The following SEZ6L variants were observed in gnomAD, a reference collection of about 807,000 sequenced individuals.
SEZ6L encodes the protein seizure 6-like protein.
A neutral mutation model predicts 106.2 loss-of-function variants in SEZ6L; 37 were observed. The observed-to-expected ratio is 0.35, with a 90% CI of 0.27 to 0.46. The LOEUF (loss-of-function observed/expected upper bound fraction) is 0.46, where lower values mean the gene tolerates loss of function less well. Ranked by LOEUF, SEZ6L falls within the 20% of genes least tolerant of loss-of-function variation. The pLI is 1.00. For missense variants in SEZ6L, 1,172 were observed against 1,332.8 expected (o/e 0.88, Z 1.88); for synonymous variants, 541 against 570.4 (o/e 0.95, Z 0.73).
intron 9 of SEZ6L, among the ~76,000 whole-genome samples, chr22:26,319,437 A>G (rs1279534302): frequency 6.6e-6 from 1 of 152,164 alleles, no homozygotes; most frequent in East Asian, 1.9e-4. Flanking sequence ...ATTCTTACAA[A>G]AGGCCCTATG....
rs1278395043 is a variant in SEZ6L, at chr22:26,293,122, G to T, written c.811G>T (p.Val271Phe). ...TTTSTIITTT[V>F]ITTEQAPALC... ...TACCTCCACCATTATCACCACCACG[G>T]TCATCACCACCGAGCAGGCACCAGG... The change falls in exon 2 of 17, where the codon GTC becomes TTC. Residue 271 changes from valine (V) to phenylalanine (F), a missense_variant. By Grantham distance (50) the Val-to-Phe change is conservative. Coordinates refer to ENST00000248933, the MANE Select transcript of SEZ6L (RefSeq NM_021115.5). 4.4e-6 allele frequency: 7 copies of T among 1,575,376 alleles called. No individual in the cohort carries two copies. The South Asian group carries it at 4.6e-5, about 10-fold the overall frequency.
chr22:26,251,335 A>G lies in SEZ6L; in HGVS notation c.95-41071A>G, dbSNP rs544186807. 9.5e-4 allele frequency among the ~76,000 whole-genome samples: 41 copies of G among 43,144 alleles called. No homozygotes were observed. In the East Asian group the frequency reaches 0.033, roughly 35 times the overall value. 28.3% of individuals were successfully genotyped at this position (43,144 alleles called of 152,430 possible). On this transcript the variant is annotated intron_variant, in intron 1 of 16. Coordinates refer to ENST00000248933, the MANE Select transcript of SEZ6L (RefSeq NM_021115.5). ...TTCTCCTTTTATTCCTAATTTGTTG[A>G]AAGTTTTTTTTTTTTTTTTATCATG... is the stretch of plus-strand genomic sequence containing the variant.
chr22:26,354,259 A>G (rs893440395), intron 12 of SEZ6L, among the ~76,000 whole-genome samples: 12 of 152,214 alleles, frequency 7.9e-5, no homozygotes, highest in Non-Finnish European at 1.5e-4. Flanking sequence ...TGTTGATCCA[A>G]TGACTGGTGT....
At chr22:26,226,313 C>A (rs9613134) in intron 1 of SEZ6L, among the ~76,000 whole-genome samples, 21,380 of 152,234 alleles carry the variant, frequency 0.14, 2,025 homozygotes, top group Non-Finnish European at 0.21. Context: ...CCAGCATGGT[C>A]TGGTTCCTTG....
At chr22:26,319,452 C>T (rs910781749) in intron 9 of SEZ6L, among the ~76,000 whole-genome samples, 2 of 152,332 alleles carry the variant, frequency 1.3e-5, no homozygotes, top group South Asian at 4.1e-4. Context: ...CCTATGGGAT[C>T]TAGCTCTGGT....
intron 1 of SEZ6L, among the ~76,000 whole-genome samples, chr22:26,239,069 A>T (rs185881539): frequency 1.0e-3 from 158 of 152,244 alleles, no homozygotes; most frequent in African/African-American, 3.5e-3. Context: ...CAAAAAATTT[A>T]AAAAATTAGC....
intron 12 of SEZ6L, among the ~76,000 whole-genome samples, chr22:26,353,334 G>A (rs995288745): frequency 1.3e-5 from 2 of 152,148 alleles, no homozygotes; most frequent in African/African-American, 4.8e-5. Flanking sequence ...GTATGTGTGT[G>A]TATATATAGT....
intron 1 of SEZ6L, among the ~76,000 whole-genome samples, chr22:26,264,641 G>T (rs140994945): frequency 6.6e-6 from 1 of 152,154 alleles, no homozygotes; most frequent in Non-Finnish European, 1.5e-5. Flanking sequence ...TGCTTTGATG[G>T]TTATTTAGTC....
chr22:26,183,508 C>T (rs533333466), intron 1 of SEZ6L, among the ~76,000 whole-genome samples: 3 of 152,170 alleles, frequency 2.0e-5, no homozygotes, highest in South Asian at 4.2e-4. Flanking sequence ...AAAGCAAGCT[C>T]GTTTGATCTT....
intron 9 of SEZ6L, among the ~76,000 whole-genome samples, chr22:26,317,978 T>A (rs975850717): frequency 6.6e-6 from 1 of 152,102 alleles, no homozygotes; most frequent in Non-Finnish European, 1.5e-5. Context: ...AGAGCTGTTG[T>A]GAGATTATAT....
At chr22:26,216,212 T>C (rs1309043923) in intron 1 of SEZ6L, among the ~76,000 whole-genome samples, 1 of 152,074 alleles carries the variant, frequency 6.6e-6, no homozygotes, top group Non-Finnish European at 1.5e-5. Context: ...TCCCACGTGG[T>C]CAGTTAGTGG....
chr22:26,198,095 C>T (rs1316802640), intron 1 of SEZ6L, among the ~76,000 whole-genome samples: 2 of 152,188 alleles, frequency 1.3e-5, no homozygotes, highest in Non-Finnish European at 2.9e-5. Context: ...AATTATCCAT[C>T]TCTTTGCTCT....
chr22:26,304,371 AG>A (rs1398034456), intron 5 of SEZ6L, among the ~76,000 whole-genome samples: 7 of 44,772 alleles, frequency 1.6e-4, no homozygotes, highest in Non-Finnish European at 2.3e-4. Context: ...AAAAGAAAGA[AG>A]AAAGAAAGAA....
chr22:26,301,307 C>G (rs2081446681), intron 5 of SEZ6L, among the ~76,000 whole-genome samples: 1 of 152,224 alleles, frequency 6.6e-6, no homozygotes, highest in South Asian at 2.1e-4. Context: ...GTTTGTCATT[C>G]AGAGCCTTTC....
At chr22:26,319,144 A>G (rs536851192) in intron 9 of SEZ6L, among the ~76,000 whole-genome samples, 1 of 152,150 alleles carries the variant, frequency 6.6e-6, no homozygotes, top group South Asian at 2.1e-4. Flanking sequence ...TTTCTCCCAC[A>G]CCCTGTAGCC....
At chr22:26,245,520 T>A (rs1213913589) in intron 1 of SEZ6L, among the ~76,000 whole-genome samples, 1 of 152,138 alleles carries the variant, frequency 6.6e-6, no homozygotes, top group Non-Finnish European at 1.5e-5. Context: ...ACCTGGAAAA[T>A]GGGCTGACCT....
chr22:26,199,979 G>A (rs954106525), intron 1 of SEZ6L, among the ~76,000 whole-genome samples: 5 of 152,134 alleles, frequency 3.3e-5, no homozygotes, highest in African/African-American at 1.2e-4. Context: ...TCTCACAACA[G>A]CCCTCCAACT....
At chr22:26,298,937 C>A in intron 4 of SEZ6L, 47 bp from the exon 5 acceptor site, 1 of 1,497,586 alleles carries the variant, frequency 6.7e-7, no homozygotes, top group Middle Eastern at 1.8e-4. Flanking sequence ...GGTTCTTGAT[C>A]TGCCACTCCA....
At chr22:26,302,498 G>A (rs1416824524) in intron 5 of SEZ6L, among the ~76,000 whole-genome samples, 2 of 152,204 alleles carry the variant, frequency 1.3e-5, no homozygotes, top group Admixed American at 6.5e-5. Context: ...CATGTGTGAA[G>A]AGAATATTGG....
Sources: gnomAD v4.1 joint callset for allele counts (sites outside exome capture counted in the v4.1 genomes callset) on GRCh38, gnomAD v4.1.1 for gene constraint, MANE v1.5 for transcripts, NCBI Gene and HGNC (gene_info 2026-07-23, HGNC 2026-07-21) for gene names.